Variants in BTBD9 observed in about 807,000 individuals in gnomAD.
The protein encoded by BTBD9 is BTB domain containing 9, also known as BTB/POZ domain-containing protein 9.
Under a neutral mutation model 64.3 loss-of-function variants are expected in BTBD9, and 49 were observed. That is an observed-to-expected ratio of 0.76 (90% confidence interval 0.61 to 0.97). The LOEUF is 0.97. BTBD9 is among the 50% of genes least tolerant of loss of function. The pLI is 0.00. For missense variants in BTBD9, 598 were observed against 762.1 expected (o/e 0.78, Z 2.53); for synonymous variants, 260 against 274.7 (o/e 0.95, Z 0.53).
intron 9 of BTBD9, among the ~76,000 whole-genome samples, chr6:38,226,718 T>C (rs1763403537): frequency 6.6e-6 from 1 of 152,218 alleles, no homozygotes; most frequent in Non-Finnish European, 1.5e-5. Context: ...TCAAGGTGCT[T>C]GCTCAGGGGT....
chr6:38,424,717 A>G (rs1768067928), intron 6 of BTBD9, among the ~76,000 whole-genome samples: 1 of 151,682 alleles, frequency 6.6e-6, no homozygotes, highest in South Asian at 2.1e-4. Context: ...GGGTTTCACC[A>G]TGTTGGTCAG....
intron 7 of BTBD9, among the ~76,000 whole-genome samples, chr6:38,342,296 G>T (rs938333204): frequency 6.6e-6 from 1 of 152,056 alleles, no homozygotes; most frequent in African/African-American, 2.4e-5. Context: ...AGCAGTTTGG[G>T]AGGCTGGGGC....
At chr6:38,435,730 G>A (rs941534930) in intron 6 of BTBD9, among the ~76,000 whole-genome samples, 4 of 149,974 alleles carry the variant, frequency 2.7e-5, no homozygotes, top group African/African-American at 7.5e-5. Flanking sequence ...GTGCAGTGGC[G>A]TGATCTTGGC....
intron 6 of BTBD9, among the ~76,000 whole-genome samples, chr6:38,548,251 T>C (rs921220013): frequency 1.3e-5 from 2 of 152,234 alleles, no homozygotes; most frequent in Non-Finnish European, 2.9e-5. Context: ...TCCACCAAAA[T>C]GGTACAGATT....
chr6:38,255,844 C>T (rs138576217), intron 9 of BTBD9, among the ~76,000 whole-genome samples: 1 of 152,156 alleles, frequency 6.6e-6, no homozygotes, highest in East Asian at 1.9e-4. Flanking sequence ...AATGTTCTCA[C>T]TCATAGGTGG....
chr6:38,265,874 A>G (rs770426022), intron 8 of BTBD9, among the ~76,000 whole-genome samples: 3 of 152,220 alleles, frequency 2.0e-5, no homozygotes, highest in Non-Finnish European at 2.9e-5. Flanking sequence ...TCTTAGAAAG[A>G]TTAAGTTTTT....
In BTBD9 at chr6:38,287,082, CAAAAAAA is replaced by C. The variant is rs60618390; in HGVS notation, c.1454+1183_1454+1189del. Among the ~76,000 whole-genome samples the C allele has an allele frequency of 2.0e-3, 52 of 25,368 alleles. 3 individuals carry two copies. The South Asian group carries it at 0.023, about 11-fold the overall frequency. 16.6% of individuals were successfully genotyped at this position (25,368 alleles called of 152,430 possible). A position where few individuals can be genotyped will look rare whatever the true frequency, so the allele number is the denominator to read the frequency against. On this transcript the variant is annotated intron_variant, in intron 8 of 10. Coordinates refer to ENST00000481247, the MANE Select transcript of BTBD9 (RefSeq NM_001099272.2). ...GGGTGACAATAGTGAGGCTCCATCT[CAAAAAAA>C]AAAAAAAAAAAAAAAAATATACACA...
At chr6:38,508,667 G>A (rs1772643391) in intron 6 of BTBD9, among the ~76,000 whole-genome samples, 1 of 152,152 alleles carries the variant, frequency 6.6e-6, no homozygotes, top group Non-Finnish European at 1.5e-5. Flanking sequence ...TGGCCCAGCA[G>A]ACAAAGCCCT....
At chr6:38,217,152 CAA>C (rs35599057) in intron 9 of BTBD9, among the ~76,000 whole-genome samples, 377 of 121,796 alleles carry the variant, frequency 3.1e-3, no homozygotes, top group African/African-American at 4.9e-3. Context: ...ACTAAGGATA[CAA>C]AAAAAAAAAA....
rs1305534867 is a variant in BTBD9 at position 38,171,864 on chromosome 6, AAAAAAAAAAAAAAAAAAAT to A, written c.*3102_*3120del. 94 of 98,608 alleles carry A rather than the reference AAAAAAAAAAAAAAAAAAAT, an allele frequency of 9.5e-4. No homozygotes were observed. Among genetic ancestry groups the A allele is most frequent in the African/African-American group, 2.5e-3 (63 of 25,310 alleles). 6.1% of individuals were successfully genotyped at this position (98,608 alleles called of 1,614,324 possible). On this transcript the variant is annotated 3_prime_UTR_variant, in exon 11 of 11. Coordinates refer to ENST00000481247, the MANE Select transcript of BTBD9 (RefSeq NM_001099272.2). ...CTACTCTCAAAAAAAAAAAAAAAAAAAAAAAAAAAAAAAAAAAATAATAATAATAATAATAATAATAATA... is the reference window on the plus strand; with the variant it reads ...CTACTCTCAAAAAAAAAAAAAAAAAAAATAATAATAATAATAATAATAATA...
At chr6:38,198,858 G>A (rs1762358350) in intron 9 of BTBD9, among the ~76,000 whole-genome samples, 1 of 152,116 alleles carries the variant, frequency 6.6e-6, no homozygotes, top group African/African-American at 2.4e-5. Flanking sequence ...AAACAAAGAG[G>A]AAGAATGAGG....
At chr6:38,465,299 AC>A (rs1770294450) in intron 6 of BTBD9, among the ~76,000 whole-genome samples, 1 of 151,472 alleles carries the variant, frequency 6.6e-6, no homozygotes, top group African/African-American at 2.4e-5. Flanking sequence ...TCGCAAAAAA[AC>A]AAAAAATCAA....
chr6:38,427,594 C>G (rs1768232184), intron 6 of BTBD9, among the ~76,000 whole-genome samples: 1 of 151,898 alleles, frequency 6.6e-6, no homozygotes, highest in Non-Finnish European at 1.5e-5. Context: ...TTTTTCTAAC[C>G]TGTGTGTCAA....
At chr6:38,253,261 C>T (rs868083820) in intron 9 of BTBD9, among the ~76,000 whole-genome samples, 7 of 152,166 alleles carry the variant, frequency 4.6e-5, no homozygotes, top group Non-Finnish European at 8.8e-5. Flanking sequence ...TTCCATATGG[C>T]TGGAGAGGCC....
chr6:38,425,043 C>T (rs903047134), intron 6 of BTBD9, among the ~76,000 whole-genome samples: 7 of 151,022 alleles, frequency 4.6e-5, no homozygotes, highest in Admixed American at 2.0e-4. Context: ...GTTGAACAGG[C>T]TGGTCGTGGT....
intron 6 of BTBD9, among the ~76,000 whole-genome samples, chr6:38,546,812 G>A (rs1774571664): frequency 6.6e-6 from 1 of 152,126 alleles, no homozygotes. Context: ...GGGATTACAG[G>A]TGCCCACCAC....
chr6:38,533,109 T>C (rs1773868736), intron 6 of BTBD9, among the ~76,000 whole-genome samples: 1 of 151,564 alleles, frequency 6.6e-6, no homozygotes, highest in Non-Finnish European at 1.5e-5. Context: ...GTTGAATGGA[T>C]TAAAAAATAA....
chr6:38,525,236 A>T (rs1773434792), intron 6 of BTBD9, among the ~76,000 whole-genome samples: 1 of 152,152 alleles, frequency 6.6e-6, no homozygotes, highest in African/African-American at 2.4e-5. Flanking sequence ...ATGGTTTTAT[A>T]ATCAGTTTTC....
chr6:38,300,229 G>A (rs1425521474), intron 7 of BTBD9, among the ~76,000 whole-genome samples: 1 of 152,114 alleles, frequency 6.6e-6, no homozygotes, highest in Non-Finnish European at 1.5e-5. Context: ...CTCTGTTTTG[G>A]AACCAGTACC....
Sources: allele counts gnomAD v4.1 joint callset (sites outside exome capture counted in the v4.1 genomes callset), GRCh38; gene constraint gnomAD v4.1.1; transcripts MANE v1.5; gene names NCBI Gene and HGNC (gene_info 2026-07-23, HGNC 2026-07-21).